TMEM150C: variants seen among roughly 807,000 people sequenced by gnomAD.
The protein encoded by TMEM150C is tentonin 3.
A neutral mutation model predicts 29.9 loss-of-function variants in TMEM150C; 10 were observed. That is an observed-to-expected ratio of 0.33 (90% CI 0.21 to 0.57). TMEM150C has a LOEUF of 0.57. TMEM150C is among the 20% of genes least tolerant of loss of function. The pLI is 0.88. For synonymous variants in TMEM150C, 101 were observed against 112.5 expected (o/e 0.90, Z 0.64); for missense variants, 251 against 303.6 (o/e 0.83, Z 1.29).
chr4:82,490,293 C>CA (rs1723295049), intron 6 of TMEM150C, 55 bp from the exon 7 acceptor site: 1 of 1,494,360 alleles, frequency 6.7e-7, no homozygotes, highest in Non-Finnish European at 9.3e-7. Flanking sequence ...AGAAGACAGG[C>CA]AAGTTGAAGG....
At chr4:82,561,605 G>A (rs1184108155) in intron 1 of TMEM150C, among the ~76,000 whole-genome samples, 1 of 149,366 alleles carries the variant, frequency 6.7e-6, no homozygotes, top group African/African-American at 2.4e-5. Context: ...CACTGCGGCG[G>A]CGGGGACCGA....
At chr4:82,496,023 G>T (rs1301675392) in intron 6 of TMEM150C, 45 bp downstream of exon 6, 3 of 1,612,346 alleles carry the variant, frequency 1.9e-6, no homozygotes, top group Non-Finnish European at 8.5e-7. Flanking sequence ...AGAAGTGAAG[G>T]TCTTACCAGT....
intron 6 of TMEM150C, 43 bp from the exon 7 acceptor site, chr4:82,490,281 AAAG>A: frequency 6.4e-7 from 1 of 1,572,010 alleles, no homozygotes; most frequent in South Asian, 1.1e-5. Flanking sequence ...CCCATTCAGC[AAAG>A]AAGACAGGCA....
Position 82,485,324 on chromosome 4 carries a change from CA to C in TMEM150C, c.*186del. ...CAGTGTAACAGCGTGTATTTCGACA[CA>C]TAAGGGCTTGTGCTTTTTCATTAAA... is the stretch of plus-strand genomic sequence containing the variant. On this transcript the variant is annotated 3_prime_UTR_variant, in exon 8 of 8. Transcript: ENST00000449862. 1 of 593,456 alleles carries C rather than the reference CA, an allele frequency of 1.7e-6. No individual in the cohort carries two copies. Among genetic ancestry groups the C allele is most frequent in the Non-Finnish European group, 3.0e-6 (1 of 332,970 alleles). 36.8% of individuals were successfully genotyped at this position (593,456 alleles called of 1,614,324 possible). A position where few individuals can be genotyped will look rare whatever the true frequency, so the allele number is the denominator to read the frequency against.
upstream of TMEM150C, chr4:82,562,181 G>T (rs1725964439): frequency 1.6e-6 from 2 of 1,283,400 alleles, no homozygotes; most frequent in Admixed American, 4.7e-5. Context: ...GGAGCCGGGT[G>T]TGGGCGGGCG....
rs574265386 is a variant in TMEM150C, at chr4:82,516,194, T to C, written c.-10-11527A>G. Among the ~76,000 whole-genome samples the C allele has an allele frequency of 2.0e-5, 3 of 152,142 alleles. No individual in the cohort carries two copies. The South Asian group carries it at 6.3e-4, about 32-fold the overall frequency. On this transcript the variant is annotated intron_variant, in intron 1 of 7. Coordinates refer to ENST00000449862, the MANE Select transcript of TMEM150C (RefSeq NM_001080506.3). Reference sequence around the variant, plus strand: ...AGGTTGAATCTTATGTGGCTAATGGTAGAACACGAAGACTAAGAAATGCCA... The same window carrying C: ...AGGTTGAATCTTATGTGGCTAATGGCAGAACACGAAGACTAAGAAATGCCA...
intron 7 of TMEM150C, among the ~76,000 whole-genome samples, chr4:82,489,129 T>G (rs1319203222): frequency 6.7e-6 from 1 of 149,420 alleles, no homozygotes. Context: ...CTTGAGCTCC[T>G]GACTTCAAGT....
chr4:82,506,590 G>A (rs1447109318), intron 1 of TMEM150C, among the ~76,000 whole-genome samples: 1 of 152,116 alleles, frequency 6.6e-6, no homozygotes, highest in Non-Finnish European at 1.5e-5. Context: ...CTGAGGCAAG[G>A]TCTAATGAAT....
intron 1 of TMEM150C, among the ~76,000 whole-genome samples, chr4:82,507,561 G>A (rs1723965651): frequency 6.6e-6 from 1 of 152,046 alleles, no homozygotes; most frequent in African/African-American, 2.4e-5. Flanking sequence ...CGCTGCTCCA[G>A]GTACTGGGAA....
intron 1 of TMEM150C, among the ~76,000 whole-genome samples, chr4:82,510,041 TA>T (rs1482788802): frequency 6.6e-6 from 1 of 151,964 alleles, no homozygotes; most frequent in East Asian, 2.0e-4. Context: ...TTTACAGCTT[TA>T]AAAACTTTAT....
At chr4:82,541,787 A>C (rs929761553) in intron 1 of TMEM150C, among the ~76,000 whole-genome samples, 30 of 152,208 alleles carry the variant, frequency 2.0e-4, no homozygotes, top group Admixed American at 1.4e-3. Context: ...TGATATACTA[A>C]AACAGCCCAA....
At chr4:82,555,525 A>G (rs2110094663) in intron 1 of TMEM150C, among the ~76,000 whole-genome samples, 1 of 152,178 alleles carries the variant, frequency 6.6e-6, no homozygotes, top group East Asian at 1.9e-4. Flanking sequence ...TCCTGCCTAA[A>G]TGTGCAATGA....
chr4:82,540,729 T>G (rs1262787129), intron 1 of TMEM150C, among the ~76,000 whole-genome samples: 1 of 152,148 alleles, frequency 6.6e-6, no homozygotes, highest in African/African-American at 2.4e-5. Context: ...GTTGTATATA[T>G]TTATGGTGTA....
At chr4:82,527,019 CTTTTTTTT>C (rs893109064) in intron 1 of TMEM150C, among the ~76,000 whole-genome samples, 118 of 74,732 alleles carry the variant, frequency 1.6e-3, no homozygotes, top group African/African-American at 5.6e-3. Flanking sequence ...CATACTGGGT[CTTTTTTTT>C]TTTTTTTTTT....
chr4:82,495,463 C>T lies in TMEM150C; in HGVS notation c.363+605G>A, dbSNP rs1047940529. 8.4e-6 allele frequency: 3 copies of T among 356,250 alleles called. No individual in the cohort carries two copies. The Admixed American group carries it at 9.8e-5, about 12-fold the overall frequency. 22.1% of individuals were successfully genotyped at this position (356,250 alleles called of 1,614,324 possible). ...CTCAAAAAAGAAAAGTTTGCGGATT[C>T]TGCTAGCTCTTTTAGGCCCCAGGTG... On this transcript the variant is annotated intron_variant, in intron 6 of 7. Transcript: ENST00000449862.
At chr4:82,561,619 G>A (rs1417706053) in intron 1 of TMEM150C, among the ~76,000 whole-genome samples, 1 of 148,696 alleles carries the variant, frequency 6.7e-6, no homozygotes, top group Non-Finnish European at 1.5e-5. Context: ...GGACCGAGGC[G>A]CGCCGGCTCG....
intron 1 of TMEM150C, among the ~76,000 whole-genome samples, chr4:82,513,733 A>G (rs1012154104): frequency 1.3e-5 from 2 of 152,220 alleles, no homozygotes; most frequent in African/African-American, 4.8e-5. Flanking sequence ...TCAAACAGCA[A>G]GAGACTGGAG....
rs774501465 is a variant in TMEM150C, at chr4:82,495,442, A to AAAAAG, written c.363+621_363+625dup. Reference sequence around the variant, plus strand: ...GGCGACAGAGCGAGACTCCGTCTCAAAAAAGAAAAGTTTGCGGATTCTGCT... The same window carrying AAAAAG: ...GGCGACAGAGCGAGACTCCGTCTCAAAAAAGAAAAGAAAAGTTTGCGGATTCTGCT... On this transcript the variant is annotated intron_variant, in intron 6 of 7. Coordinates refer to ENST00000449862, the MANE Select transcript of TMEM150C (RefSeq NM_001080506.3). 12 of 329,292 alleles carry AAAAAG rather than the reference A, an allele frequency of 3.6e-5. 1 individual carries two copies. Among genetic ancestry groups the AAAAAG allele is most frequent in the Admixed American group, 1.5e-4 (4 of 26,234 alleles). 20.4% of individuals were successfully genotyped at this position (329,292 alleles called of 1,614,324 possible). A position where few individuals can be genotyped will look rare whatever the true frequency, so the allele number is the denominator to read the frequency against.
intron 1 of TMEM150C, among the ~76,000 whole-genome samples, chr4:82,544,775 C>A (rs1484347190): frequency 2.7e-4 from 37 of 134,638 alleles, no homozygotes; most frequent in African/African-American, 8.4e-4. Flanking sequence ...TAAGACTATG[C>A]AAAAAAAAAC....
Sources: gnomAD v4.1 joint callset for allele counts (sites outside exome capture counted in the v4.1 genomes callset) on GRCh38, gnomAD v4.1.1 for gene constraint, MANE v1.5 for transcripts, NCBI Gene and HGNC (gene_info 2026-07-23, HGNC 2026-07-21) for gene names.